ZNF578: variants seen among roughly 807,000 people sequenced by gnomAD.
The protein encoded by ZNF578 is Putative chemokine-related protein B42.
A neutral mutation model predicts 8.3 loss-of-function variants in ZNF578; 8 were observed. The ratio of observed to expected loss-of-function variants is 0.96; its 90% CI spans 0.56 to 1.74. ZNF578 has a LOEUF of 1.74. ZNF578 is among the 40% of genes most tolerant of loss of function. The probability of loss-of-function intolerance (pLI) is 0.00; values close to 1 mark genes in which losing one functional copy is unlikely to be tolerated. For synonymous variants in ZNF578, 206 were observed against 232.2 expected, an observed-to-expected ratio of 0.89 and a Z score of 1.03; for missense variants, 726 against 707.5, an observed-to-expected ratio of 1.03 and a Z score of -0.30.
chr19:52,490,266 C>A (rs1230623275), intron 2 of ZNF578, among the ~76,000 whole-genome samples: 4 of 151,910 alleles, frequency 2.6e-5, no homozygotes, highest in African/African-American at 9.7e-5. Flanking sequence ...ACAATTGCAC[C>A]CTCTGACACT....
At position 52,504,671 on chromosome 19, in the gene ZNF578, G is replaced by T; in HGVS notation, c.80G>T (p.Arg27Met). 6.2e-7 allele frequency: 1 copy of T among 1,614,020 alleles called. No individual in the cohort carries two copies. Among genetic ancestry groups the T allele is most frequent in the South Asian group, 1.1e-5 (1 of 91,078 alleles). ...TCATTTTAGGGACGCTTGACTTTCA[G>T]GGATGTGGCTATAGAATTCTCATTG... The part of the protein sequence containing the change: ...MALPQGRLTF[R>M]DVAIEFSLAE... The change falls in exon 5 of 6, where the codon AGG (arginine) becomes ATG (methionine). Residue 27 changes from arginine (R) to methionine (M), a missense_variant. Arg to Met is a moderately conservative substitution (Grantham distance 91). Transcript: ENST00000421239.
In ZNF578 at chr19:52,500,447, C is replaced by G. The variant is rs139109117; in HGVS notation, c.-19-1380C>G. On this transcript the variant is annotated intron_variant, in intron 3 of 5. Transcript: ENST00000421239. The stretch of plus-strand genomic sequence containing the variant: ...TTTGAGATGAAGTCCCATTTTGTCA[C>G]CCAGGCTGGAGTGCAGTGGCACGAT... Among the ~76,000 whole-genome samples the G allele has an allele frequency of 3.2e-3, 479 of 149,964 alleles. 5 individuals are homozygous for G. Among genetic ancestry groups the G allele is most frequent in the Non-Finnish European group, 3.5e-3 (238 of 67,786 alleles).
chr19:52,512,766 A>T lies in ZNF578; in HGVS notation c.*612A>T, dbSNP rs975219658. Among the ~76,000 whole-genome samples, 1 of 152,226 alleles carries T rather than the reference A, an allele frequency of 6.6e-6. No homozygotes were observed. The highest frequency in any genetic ancestry group is 6.5e-5 in the Admixed American group (1 of 15,284). On this transcript the variant is annotated 3_prime_UTR_variant, in exon 6 of 6. Transcript: ENST00000421239. Reference sequence around the variant, plus strand: ...TTCATTTTTGAGATAACTGTTCCCAATGCAGTGAGTATAGCAAACCATCAA... The same window carrying T: ...TTCATTTTTGAGATAACTGTTCCCATTGCAGTGAGTATAGCAAACCATCAA...
intron 2 of ZNF578, among the ~76,000 whole-genome samples, chr19:52,459,373 T>C (rs1351428896): frequency 6.6e-6 from 1 of 152,124 alleles, no homozygotes; most frequent in East Asian, 1.9e-4. Context: ...GACTGTCTTA[T>C]TTTCCCTAGT....
chr19:52,508,675 A>G (rs895490585), intron 5 of ZNF578, among the ~76,000 whole-genome samples: 1 of 150,362 alleles, frequency 6.7e-6, no homozygotes, highest in African/African-American at 2.4e-5. Flanking sequence ...AATGCCTGTA[A>G]TCCCAGCTAC....
At chr19:52,460,946 G>A (rs2059256014) in intron 2 of ZNF578, among the ~76,000 whole-genome samples, 1 of 152,072 alleles carries the variant, frequency 6.6e-6, no homozygotes, top group Non-Finnish European at 1.5e-5. Context: ...CATGGTGTCT[G>A]GTCTCTCTCC....
At chr19:52,493,204 C>A (rs770203602) in intron 3 of ZNF578, among the ~76,000 whole-genome samples, 2 of 152,128 alleles carry the variant, frequency 1.3e-5, no homozygotes, top group Non-Finnish European at 2.9e-5. Flanking sequence ...CAGGCTCGGC[C>A]CCTGGAGCAC....
intron 2 of ZNF578, among the ~76,000 whole-genome samples, chr19:52,472,583 T>C (rs2059295354): frequency 6.6e-6 from 1 of 152,212 alleles, no homozygotes; most frequent in Non-Finnish European, 1.5e-5. Flanking sequence ...GCATAATCAG[T>C]CCCTAAGAAC....
Position 52,516,006 on chromosome 19 carries a change from C to G in ZNF578, c.*3852C>G, listed in dbSNP as rs941594367. ...GCTCCACAGCCCCGTGTGCAGGGCC[C>G]CTGCCAGTGTCCAGCCTCCTCCTGG... On this transcript the variant is annotated 3_prime_UTR_variant, in exon 6 of 6. Coordinates refer to ENST00000421239, the MANE Select transcript of ZNF578 (RefSeq NM_001099694.2). 1.3e-5 allele frequency among the ~76,000 whole-genome samples: 2 copies of G among 152,126 alleles called. No individual in the cohort carries two copies. The highest frequency in any genetic ancestry group is 2.9e-5 in the Non-Finnish European group (2 of 68,040).
Position 52,505,175 on chromosome 19 carries a change from C to G in ZNF578, c.190+394C>G, listed in dbSNP as rs1290265316. ...GTGCTGGGATTACAGGCGTGAGCCA[C>G]CATGCCCAGCTCATTCTGGTTTTTG... On this transcript the variant is annotated intron_variant, in intron 5 of 5. Transcript: ENST00000421239. Among the ~76,000 whole-genome samples, 9 of 152,304 alleles carry G rather than the reference C, an allele frequency of 5.9e-5. No individual in the cohort carries two copies. The East Asian group carries it at 1.7e-3, about 29-fold the overall frequency.
chr19:52,458,349 C>T (rs1486795629), intron 2 of ZNF578: 2 of 150,984 alleles, frequency 1.3e-5, no homozygotes, highest in East Asian at 3.9e-4. Context: ...GGGGCATTTC[C>T]TATTTTCTTA....
chr19:52,477,464 A>G (rs967421404), intron 2 of ZNF578, among the ~76,000 whole-genome samples: 2 of 152,064 alleles, frequency 1.3e-5, no homozygotes, highest in African/African-American at 4.8e-5. Context: ...TACAGTGAGG[A>G]CAGAGTCCTG....
At position 52,493,483 on chromosome 19, in the gene ZNF578, T is replaced by C. The variant is rs1339726991; in HGVS notation, c.-20+2058T>C. ...CTTCTCCGCGATGCAGGAGTCTTAC[T>C]CCAAACCCGCAGAGTTTTGCTGGTG... On this transcript the variant is annotated intron_variant, in intron 3 of 5. Transcript: ENST00000421239. 9.2e-5 allele frequency among the ~76,000 whole-genome samples: 14 copies of C among 152,026 alleles called. No homozygotes were observed. The East Asian group carries it at 1.9e-3, about 21-fold the overall frequency.
At chr19:52,472,044 A>G (rs1651527) in intron 2 of ZNF578, among the ~76,000 whole-genome samples, 136,449 of 152,124 alleles carry the variant, frequency 0.9, 61,788 homozygotes, top group Non-Finnish European at 0.96. Context: ...TATAAATGAA[A>G]GTGCATGCCA....
At chr19:52,496,122 G>C (rs2608507) in intron 3 of ZNF578, among the ~76,000 whole-genome samples, 30,178 of 149,636 alleles carry the variant, frequency 0.2, 3,160 homozygotes, top group Non-Finnish European at 0.23. Flanking sequence ...CGGGTTCAAG[G>C]AATTCTCTGC....
chr19:52,484,267 T>A (rs1451320287), intron 2 of ZNF578, among the ~76,000 whole-genome samples: 1 of 152,156 alleles, frequency 6.6e-6, no homozygotes, highest in Non-Finnish European at 1.5e-5. Flanking sequence ...CAGTAGATGG[T>A]ATATACAATT....
rs1232930058 is a variant in ZNF578, at chr19:52,515,838, T to G, written c.*3684T>G. 6.6e-6 allele frequency among the ~76,000 whole-genome samples: 1 copy of G among 151,742 alleles called. No homozygotes were observed. The highest frequency in any genetic ancestry group is 6.6e-5 in the Admixed American group (1 of 15,240). Reference sequence around the variant, plus strand: ...AAGAATGGAAGAAATAGAGGTAGACTCAGACACAGAGACCATCTTCAAGGC... The same window carrying G: ...AAGAATGGAAGAAATAGAGGTAGACGCAGACACAGAGACCATCTTCAAGGC... On this transcript the variant is annotated 3_prime_UTR_variant, in exon 6 of 6. Transcript: ENST00000421239.
intron 2 of ZNF578, among the ~76,000 whole-genome samples, chr19:52,467,315 T>G (rs959497751): frequency 6.6e-6 from 1 of 152,096 alleles, no homozygotes; most frequent in Non-Finnish European, 1.5e-5. Flanking sequence ...ACACCTCAAT[T>G]TACTTTTGTA....
At position 52,515,839 on chromosome 19, in the gene ZNF578, C is replaced by T. The variant is rs949021630; in HGVS notation, c.*3685C>T. 2.0e-5 allele frequency among the ~76,000 whole-genome samples: 3 copies of T among 152,058 alleles called. No individual in the cohort carries two copies. The highest frequency in any genetic ancestry group is 7.2e-5 in the African/African-American group (3 of 41,408). On this transcript the variant is annotated 3_prime_UTR_variant, in exon 6 of 6. Transcript: ENST00000421239. Reference sequence around the variant, plus strand: ...AGAATGGAAGAAATAGAGGTAGACTCAGACACAGAGACCATCTTCAAGGCC... The same window carrying T: ...AGAATGGAAGAAATAGAGGTAGACTTAGACACAGAGACCATCTTCAAGGCC...
Sources: allele counts gnomAD v4.1 joint callset (sites outside exome capture counted in the v4.1 genomes callset), GRCh38; gene constraint gnomAD v4.1.1; transcripts MANE v1.5; gene names NCBI Gene and HGNC (gene_info 2026-07-23, HGNC 2026-07-21).